Variants in GTF2I observed in about 807,000 individuals in gnomAD.
The protein encoded by GTF2I is general transcription factor II-I.
Under a neutral mutation model 67.6 loss-of-function variants are expected in GTF2I, and 12 were observed. The ratio of observed to expected loss-of-function variants is 0.18; its 90% CI spans 0.11 to 0.29. The LOEUF is 0.29. GTF2I is among the 10% of genes least tolerant of loss of function. GTF2I has a pLI of 1.00. For synonymous variants in GTF2I, 149 were observed against 197.0 expected (o/e 0.76, Z 2.04); for missense variants, 271 against 580.1 (o/e 0.47, Z 5.47).
intron 10 of GTF2I, among the ~76,000 whole-genome samples, chr7:74,715,538 AT>A (rs1792152245): frequency 1.3e-5 from 2 of 152,014 alleles, no homozygotes; most frequent in South Asian, 4.1e-4. Flanking sequence ...CTTTGCTGAA[AT>A]TTTACTTTTT....
At chr7:74,683,748 G>A (rs1183301725) in intron 1 of GTF2I, among the ~76,000 whole-genome samples, 4 of 152,050 alleles carry the variant, frequency 2.6e-5, no homozygotes, top group Non-Finnish European at 4.4e-5. Flanking sequence ...AGCTACTCGG[G>A]AGGCAGAGGC....
intron 3 of GTF2I, among the ~76,000 whole-genome samples, chr7:74,697,772 T>G (rs1251138526): frequency 6.6e-6 from 1 of 152,134 alleles, no homozygotes; most frequent in Non-Finnish European, 1.5e-5. Context: ...CCCTGCCTTT[T>G]ATTTTTTATT....
chr7:74,753,673 CAA>C (rs782747573), intron 29 of GTF2I, among the ~76,000 whole-genome samples, 171 bp from the exon 30 acceptor site: 4 of 72,398 alleles, frequency 5.5e-5, no homozygotes, highest in Non-Finnish European at 5.6e-5. Context: ...GACTCTGTCT[CAA>C]AAAAAAAAAA....
At chr7:74,685,113 G>A (rs1787591171) in intron 1 of GTF2I, among the ~76,000 whole-genome samples, 1 of 152,210 alleles carries the variant, frequency 6.6e-6, no homozygotes, top group Non-Finnish European at 1.5e-5. Flanking sequence ...CCAATTAGAG[G>A]CTGACTTGAA....
chr7:74,722,413 T>C (rs996285716), intron 12 of GTF2I, among the ~76,000 whole-genome samples: 1 of 152,192 alleles, frequency 6.6e-6, no homozygotes, highest in Non-Finnish European at 1.5e-5. Flanking sequence ...ATCTCTAATG[T>C]GTGCAGAGAA....
At chr7:74,686,791 C>T (rs993321252) in intron 1 of GTF2I, among the ~76,000 whole-genome samples, 11 of 152,060 alleles carry the variant, frequency 7.2e-5, no homozygotes, top group African/African-American at 1.9e-4. Flanking sequence ...TTGCTTGATA[C>T]GGCCTTTACT....
At chr7:74,737,129 G>A (rs1471584745) in intron 18 of GTF2I, among the ~76,000 whole-genome samples, 1 of 148,284 alleles carries the variant, frequency 6.7e-6, no homozygotes, top group East Asian at 2.0e-4. Context: ...AGAGGCGGAG[G>A]TTGCAGTGAG....
intron 1 of GTF2I, among the ~76,000 whole-genome samples, chr7:74,679,078 A>T (rs962363895): frequency 4.8e-5 from 7 of 146,796 alleles, no homozygotes; most frequent in Non-Finnish European, 9.0e-5. Context: ...CTATATTTTT[A>T]AAAATTTTTT....
At chr7:74,691,966 A>G (rs1287602934) in intron 3 of GTF2I, among the ~76,000 whole-genome samples, 1 of 150,544 alleles carries the variant, frequency 6.6e-6, no homozygotes, top group Non-Finnish European at 1.5e-5. Context: ...TAGTAAAGAC[A>G]GGGTTTTGCC....
intron 3 of GTF2I, among the ~76,000 whole-genome samples, chr7:74,695,218 T>C (rs1788772127): frequency 1.3e-5 from 2 of 152,102 alleles, no homozygotes; most frequent in Admixed American, 6.6e-5. Context: ...GCAACCTCCA[T>C]GAACACTGTT....
At chr7:74,666,142 C>T (rs1445767435) in intron 1 of GTF2I, among the ~76,000 whole-genome samples, 5 of 152,272 alleles carry the variant, frequency 3.3e-5, no homozygotes, top group African/African-American at 9.6e-5. Flanking sequence ...CGCGCCTGGC[C>T]AGAGCTTGAC....
chr7:74,689,592 G>T (rs1233485985), intron 2 of GTF2I, among the ~76,000 whole-genome samples: 1 of 151,840 alleles, frequency 6.6e-6, no homozygotes, highest in African/African-American at 2.4e-5. Context: ...CTGACCTCTT[G>T]ATCCACCTGC....
At chr7:74,671,126 G>A (rs1584085053) in intron 1 of GTF2I, among the ~76,000 whole-genome samples, 1 of 111,140 alleles carries the variant, frequency 9.0e-6, no homozygotes, top group Non-Finnish European at 1.7e-5. Flanking sequence ...TCACTCTGTT[G>A]CCCAGGGTGG....
intron 1 of GTF2I, among the ~76,000 whole-genome samples, chr7:74,685,800 C>T (rs587678556): frequency 6.6e-6 from 1 of 151,818 alleles, no homozygotes; most frequent in Non-Finnish European, 1.5e-5. Context: ...GGGGCGATGG[C>T]TCACGCCGGT....
intron 6 of GTF2I, among the ~76,000 whole-genome samples, chr7:74,702,208 A>G (rs1448845521): frequency 6.6e-6 from 1 of 150,980 alleles, no homozygotes; most frequent in Non-Finnish European, 1.5e-5. Flanking sequence ...TACTAGGAAT[A>G]GGGTAAATTT....
At position 74,734,506 on chromosome 7, in the gene GTF2I, C is replaced by A. The variant is rs1194005448; in HGVS notation, c.1363+525C>A. On this transcript the variant is annotated intron_variant, in intron 16 of 34. Coordinates refer to ENST00000573035, the MANE Select transcript of GTF2I (RefSeq NM_032999.4). ...GTGCGATCTCCGCTCACTGCAACCTCCCGCCTCCTGGGTTCAAGCAGTTCT... is the reference window on the plus strand; with the variant it reads ...GTGCGATCTCCGCTCACTGCAACCTACCGCCTCCTGGGTTCAAGCAGTTCT... Among the ~76,000 whole-genome samples the A allele has an allele frequency of 2.6e-5, 4 of 152,106 alleles. No homozygotes were observed. In the East Asian group the frequency reaches 7.7e-4, roughly 29 times the overall value.
chr7:74,674,993 C>T (rs1554391951), intron 1 of GTF2I, among the ~76,000 whole-genome samples: 1 of 152,038 alleles, frequency 6.6e-6, no homozygotes, highest in African/African-American at 2.4e-5. Context: ...GCTGGGATTA[C>T]AGGCACCTGC....
intron 1 of GTF2I, among the ~76,000 whole-genome samples, chr7:74,662,204 C>CTTTTTTTTTTT (rs59914241): frequency 1.2e-5 from 1 of 82,596 alleles, no homozygotes. Context: ...TTTTTTCTTT[C>CTTTTTTTTTTT]TTTTTTTTTT....
In GTF2I at chr7:74,723,428, C is replaced by CTTTTTTT. The variant is rs58149301; in HGVS notation, c.943+4501_943+4507dup. Among the ~76,000 whole-genome samples the CTTTTTTT allele has an allele frequency of 4.1e-4, 25 of 61,072 alleles. 9 individuals carry two copies. The highest frequency in any genetic ancestry group is 5.2e-4 in the Admixed American group (2 of 3,864). 40.1% of individuals were successfully genotyped at this position (61,072 alleles called of 152,430 possible). A position where few individuals can be genotyped will look rare whatever the true frequency, so the allele number is the denominator to read the frequency against. On this transcript the variant is annotated intron_variant, in intron 12 of 34. Coordinates refer to ENST00000573035, the MANE Select transcript of GTF2I (RefSeq NM_032999.4). ...AGGCATAAGCCACCGCTCCCGGCCT[C>CTTTTTTT]TTTTTTTTTTTTTTTTTTTTAAGAC... is the stretch of plus-strand genomic sequence containing the variant.
Sources: allele counts gnomAD v4.1 joint callset (sites outside exome capture counted in the v4.1 genomes callset), GRCh38; gene constraint gnomAD v4.1.1; transcripts MANE v1.5; gene names NCBI Gene and HGNC (gene_info 2026-07-23, HGNC 2026-07-21).